Variants in WDR88 observed in about 807,000 individuals in gnomAD.
WDR88 encodes the protein WD repeat domain 88.
Under a neutral mutation model 46.8 loss-of-function variants are expected in WDR88, and 40 were observed. The ratio of observed to expected loss-of-function variants is 0.86; its 90% CI spans 0.66 to 1.11. WDR88 has a LOEUF of 1.11. Ranked by LOEUF, WDR88 falls within the 50% of genes most tolerant of loss-of-function variation. The pLI, the probability that WDR88 is intolerant of heterozygous loss-of-function variation, is 0.00. For synonymous variants in WDR88, 235 were observed against 240.7 expected, an observed-to-expected ratio of 0.98 and a Z score of 0.22; for missense variants, 562 against 602.4, an observed-to-expected ratio of 0.93 and a Z score of 0.70.
At chr19:33,154,605 T>C (rs576890063) in intron 6 of WDR88, among the ~76,000 whole-genome samples, 4 of 152,340 alleles carry the variant, frequency 2.6e-5, no homozygotes, top group African/African-American at 9.6e-5. Context: ...CGGTCTATCA[T>C]TGATGGGCAT....
chr19:33,147,695 C>T lies in WDR88; in HGVS notation c.527C>T (p.Thr176Ile), dbSNP rs374055138. The change falls in exon 4 of 11, where the codon ACA becomes ATA. Residue 176 changes from threonine to isoleucine, a missense_variant. By Grantham distance (89) the Thr-to-Ile change is moderately conservative. Coordinates refer to ENST00000355868, the MANE Select transcript of WDR88 (RefSeq NM_173479.4). ...DKTVRAWDLETGKLLWKVRYD... is the reference protein window; with the variant it reads ...DKTVRAWDLEIGKLLWKVRYD... ...ACAGTGAGGGCCTGGGACCTGGAGA[C>T]AGGCAAGCTGCTGGTACGTATGCCT... The T allele has an allele frequency of 6.2e-7, 1 of 1,613,872 alleles. No individual in the cohort carries two copies. The highest frequency in any genetic ancestry group is 8.5e-7 in the Non-Finnish European group (1 of 1,179,932).
At chr19:33,173,309 G>C (rs975541940) in intron 10 of WDR88, among the ~76,000 whole-genome samples, 1 of 152,020 alleles carries the variant, frequency 6.6e-6, no homozygotes, top group African/African-American at 2.4e-5. Context: ...CCCTGGGCAG[G>C]TCCCCAGTGC....
chr19:33,171,025 A>G (rs913570559), intron 9 of WDR88, among the ~76,000 whole-genome samples: 10 of 152,106 alleles, frequency 6.6e-5, no homozygotes, highest in Non-Finnish European at 1.0e-4. Flanking sequence ...TCGCTCTGTC[A>G]CCCAGGCTGG....
At chr19:33,134,840 A>ACACCCCCCCCCCCCCCCCCCCCC (rs1973221485) in intron 1 of WDR88, among the ~76,000 whole-genome samples, 1 of 62,408 alleles carries the variant, frequency 1.6e-5, no homozygotes, top group Non-Finnish European at 3.5e-5. Flanking sequence ...CGTCCCCGAC[A>ACACCCCCCCCCCCCCCCCCCCCC]CCCCCCCCCC....
At chr19:33,137,617 T>G in intron 1 of WDR88, 60 bp from the exon 2 acceptor site, 1 of 1,387,446 alleles carries the variant, frequency 7.2e-7, no homozygotes, top group Non-Finnish European at 1.0e-6. Flanking sequence ...TAATTAACTG[T>G]TGTACATTGA....
At chr19:33,154,334 C>T (rs977106056) in intron 6 of WDR88, among the ~76,000 whole-genome samples, 4 of 152,106 alleles carry the variant, frequency 2.6e-5, no homozygotes, top group Admixed American at 6.6e-5. Flanking sequence ...TTTTAAGCCC[C>T]GCATGTGTTA....
Position 33,132,289 on chromosome 19 carries a change from G to A in WDR88, c.120G>A (p.Arg40=). The part of the protein sequence containing the change: ...PGKLSWGTMA[R]ALGRFKLSIP... ...AGCTGTCCTGGGGGACCATGGCGAG[G>A]GCCTTAGGCCGCTTCAAGCTGTCGA... Residue 40 remains arginine, a synonymous_variant, in exon 1 of 11, where the codon AGG becomes AGA. Transcript: ENST00000355868. 1 of 1,613,720 alleles carries A rather than the reference G, an allele frequency of 6.2e-7. No individual in the cohort carries two copies. Among genetic ancestry groups the A allele is most frequent in the Non-Finnish European group, 8.5e-7 (1 of 1,179,992 alleles).
intron 3 of WDR88, among the ~76,000 whole-genome samples, chr19:33,145,966 T>C (rs1973503835): frequency 6.6e-6 from 1 of 152,172 alleles, no homozygotes; most frequent in Non-Finnish European, 1.5e-5. Flanking sequence ...ACTATATCCC[T>C]GTGAAAAGAC....
intron 9 of WDR88, among the ~76,000 whole-genome samples, chr19:33,164,599 C>CG (rs34793314): frequency 1.4e-4 from 21 of 152,038 alleles, no homozygotes; most frequent in Non-Finnish European, 1.9e-4. Flanking sequence ...GCCCAAGGTC[C>CG]GGGGGGGTCT....
At chr19:33,146,828 A>C (rs886692725) in intron 3 of WDR88, among the ~76,000 whole-genome samples, 5 of 152,086 alleles carry the variant, frequency 3.3e-5, no homozygotes, top group Non-Finnish European at 7.4e-5. Flanking sequence ...GGTTCTCTCT[A>C]GTTTCAGTGA....
chr19:33,151,202 C>T lies in WDR88; in HGVS notation c.701C>T (p.Thr234Met), dbSNP rs572771067. ...GCAGATCATCACACAAGGTCCATCA[C>T]GTCATGCTGCTTTGACCCCGACAGC... Reference protein sequence around the residue: ...VIKDHHTRSITSCCFDPDSQR... With the variant: ...VIKDHHTRSIMSCCFDPDSQR... Residue 234 changes from threonine (T) to methionine (M), a missense_variant, in exon 6 of 11, where the codon ACG (threonine) becomes ATG (methionine). By Grantham distance (81) the Thr-to-Met change is moderately conservative. Coordinates refer to ENST00000355868, the MANE Select transcript of WDR88 (RefSeq NM_173479.4). 62 of 1,613,762 alleles carry T rather than the reference C, an allele frequency of 3.8e-5. No homozygotes were observed. Among genetic ancestry groups the T allele is most frequent in the South Asian group, 1.5e-4 (14 of 90,918 alleles).
intron 6 of WDR88, among the ~76,000 whole-genome samples, chr19:33,152,272 CATG>C (rs1208100473): frequency 6.6e-6 from 1 of 151,530 alleles, no homozygotes; most frequent in East Asian, 1.9e-4. Flanking sequence ...CAACATAAAA[CATG>C]ATATTTTAAC....
At chr19:33,154,335 G>A (rs538872245) in intron 6 of WDR88, among the ~76,000 whole-genome samples, 10 of 151,996 alleles carry the variant, frequency 6.6e-5, no homozygotes, top group African/African-American at 1.9e-4. Flanking sequence ...TTTAAGCCCC[G>A]CATGTGTTAG....
chr19:33,140,224 G>A (rs901183921), intron 2 of WDR88, among the ~76,000 whole-genome samples: 11 of 152,040 alleles, frequency 7.2e-5, no homozygotes, highest in African/African-American at 2.4e-4. Context: ...GTGCAATTAC[G>A]GCTCACTGCA....
intron 1 of WDR88, among the ~76,000 whole-genome samples, chr19:33,134,898 C>T (rs1421634341): frequency 6.8e-6 from 1 of 146,854 alleles, no homozygotes; most frequent in Non-Finnish European, 1.5e-5. Context: ...CCTGAACCGT[C>T]GCATCCCCTC....
At chr19:33,171,914 C>T (rs1974045300) in intron 9 of WDR88, among the ~76,000 whole-genome samples, 2 of 152,134 alleles carry the variant, frequency 1.3e-5, no homozygotes, top group African/African-American at 2.4e-5. Context: ...GCTGGGACTA[C>T]AGGTGCACGC....
rs62125331 is a variant in WDR88, at chr19:33,163,320, G to A, written c.1081-877G>A. 6.3e-3 allele frequency among the ~76,000 whole-genome samples: 928 copies of A among 146,990 alleles called. 9 individuals are homozygous for A. The highest frequency in any genetic ancestry group is 0.011 in the Non-Finnish European group (714 of 67,420). On this transcript the variant is annotated intron_variant, in intron 8 of 10. Coordinates refer to ENST00000355868, the MANE Select transcript of WDR88 (RefSeq NM_173479.4). ...TGCACTCCAGCCTGGGTGACAGAGC[G>A]AGACTCCGTCTCAAAAAAAAAAAAA...
Position 33,132,376 on chromosome 19 carries a change from G to T in WDR88, c.207G>T (p.Pro69=), listed in dbSNP as rs566175077. The T allele has an allele frequency of 6.2e-7, 1 of 1,614,078 alleles. No homozygotes were observed. The highest frequency in any genetic ancestry group is 2.2e-5 in the East Asian group (1 of 44,868). Residue 69 remains proline (P), a synonymous_variant, in exon 1 of 11, where the codon CCG becomes CCT. Transcript: ENST00000355868. ...TGGCCTTGGACAGGGAACCACCACC[G>T]CATCTGTTGCCTGAGAAGCACCAGG... ...DPLALDREPP[P]HLLPEKHQVP... is the part of the protein sequence containing the mutation.
intron 5 of WDR88, among the ~76,000 whole-genome samples, chr19:33,150,388 G>A (rs1973609410): frequency 6.6e-6 from 1 of 152,240 alleles, no homozygotes; most frequent in Non-Finnish European, 1.5e-5. Context: ...GGTGGAGGTT[G>A]CAGTGAGCCG....
Sources: gnomAD v4.1 joint callset for allele counts (sites outside exome capture counted in the v4.1 genomes callset) on GRCh38, gnomAD v4.1.1 for gene constraint, MANE v1.5 for transcripts, NCBI Gene and HGNC (gene_info 2026-07-23, HGNC 2026-07-21) for gene names.